Variants in KIF9 observed in about 807,000 individuals in gnomAD.
KIF9 encodes the protein kinesin family member 9.
KIF9 carries 68 observed loss-of-function variants against 94.8 expected under a neutral mutation model. The observed-to-expected ratio is 0.72, with a 90% CI of 0.59 to 0.88. The LOEUF (loss-of-function observed/expected upper bound fraction) is 0.88, where lower values mean the gene tolerates loss of function less well. KIF9 is among the 40% of genes least tolerant of loss of function. The probability of loss-of-function intolerance (pLI) is 0.00; values close to 1 mark genes in which losing one functional copy is unlikely to be tolerated. For missense variants in KIF9, 882 were observed against 982.5 expected (o/e 0.90, Z 1.37); for synonymous variants, 343 against 362.1 (o/e 0.95, Z 0.60).
chr3:47,282,462 C>T (rs1702452669), intron 1 of KIF9, 33 bp downstream of exon 1: 1 of 989,604 alleles, frequency 1.0e-6, no homozygotes, highest in Non-Finnish European at 1.2e-6. Context: ...TTTCCCGTCT[C>T]CCCACTCCCA....
chr3:47,278,061 G>T (rs1337496733), intron 1 of KIF9, among the ~76,000 whole-genome samples: 1 of 151,798 alleles, frequency 6.6e-6, no homozygotes, highest in African/African-American at 2.4e-5. Flanking sequence ...GGAAGACATA[G>T]GACATATATA....
chr3:47,275,900 C>T (rs1212246607), intron 2 of KIF9, among the ~76,000 whole-genome samples: 1 of 152,144 alleles, frequency 6.6e-6, no homozygotes, highest in South Asian at 2.1e-4. Flanking sequence ...AGCCTCATTG[C>T]TCTGGTTGCT....
intron 14 of KIF9, 123 bp from the exon 15 acceptor site, chr3:47,245,047 C>A (rs936105334): frequency 1.2e-5 from 16 of 1,334,272 alleles, no homozygotes; most frequent in Non-Finnish European, 1.6e-5. Flanking sequence ...CAAGGTTTGA[C>A]AGCTGCTGAT....
chr3:47,228,496 G>A lies in KIF9; in HGVS notation c.*156C>T, dbSNP rs949541139. ...GGAGATGAGCAAGGTTGTCCTTGGA[G>A]GATGCTCCTCCCAACATGCAGGCCA... On this transcript the variant is annotated 3_prime_UTR_variant, in exon 21 of 21. Transcript: ENST00000684063. 3 of 699,272 alleles carry A rather than the reference G, an allele frequency of 4.3e-6. No individual in the cohort carries two copies. In the South Asian group the frequency reaches 5.1e-5, roughly 12 times the overall value. 43.3% of individuals were successfully genotyped at this position (699,272 alleles called of 1,614,324 possible).
rs778088802 is a variant in KIF9, at chr3:47,236,669, T to C, written c.1925-50A>G. 8 of 1,556,858 alleles carry C rather than the reference T, an allele frequency of 5.1e-6. No homozygotes were observed. In the East Asian group the frequency reaches 9.0e-5, roughly 17 times the overall value. ...GAAATGAGGAGGTGTCCACCTGAAATTGGGGGAGGAAGGGATTCCAGAAGG... is the reference window on the plus strand; with the variant it reads ...GAAATGAGGAGGTGTCCACCTGAAACTGGGGGAGGAAGGGATTCCAGAAGG... On this transcript the variant is annotated intron_variant, in intron 17 of 20. Coordinates refer to ENST00000684063, the MANE Select transcript of KIF9 (RefSeq NM_182902.4).
intron 10 of KIF9, 128 bp downstream of exon 10, chr3:47,257,355 A>G (rs1319223400): frequency 1.0e-5 from 8 of 798,286 alleles, no homozygotes; most frequent in Non-Finnish European, 1.0e-5. Context: ...GGAGTGGAAA[A>G]GGGCTGACCC....
Position 47,235,550 on chromosome 3 carries a change from A to G in KIF9, c.2285T>C (p.Ile762Thr). 1.2e-6 allele frequency: 2 copies of G among 1,613,932 alleles called. No individual in the cohort carries two copies. Among genetic ancestry groups the G allele is most frequent in the Non-Finnish European group, 1.7e-6 (2 of 1,179,944 alleles). Residue 762 changes from isoleucine (I) to threonine (T), a missense_variant, in exon 20 of 21, where the codon ATC (isoleucine) becomes ACC (threonine). Physicochemically the swap from Ile to Thr is moderately conservative, Grantham distance 89 (BLOSUM62 -1). Coordinates refer to ENST00000684063, the MANE Select transcript of KIF9 (RefSeq NM_182902.4). The stretch of plus-strand genomic sequence containing the variant: ...CTTGACTTTGGCATTGTAGAAGGAG[A>G]TGGAATCAGGGCCCTCAGGAAGCAC... ...QRVLPEGPDS[I>T]SFYNAKVKIE...
Position 47,241,789 on chromosome 3 carries a change from G to A in KIF9, c.1710-774C>T, listed in dbSNP as rs528322180. 9.3e-4 allele frequency among the ~76,000 whole-genome samples: 80 copies of A among 85,816 alleles called. 2 individuals carry two copies. The East Asian group carries it at 0.018, about 20-fold the overall frequency. 56.3% of individuals were successfully genotyped at this position (85,816 alleles called of 152,430 possible). On this transcript the variant is annotated intron_variant, in intron 16 of 20. Transcript: ENST00000684063. ...TATACGTATATATACATGTATATAC[G>A]TGTATATATGTATATATGTATATAT... is the stretch of plus-strand genomic sequence containing the variant.
At chr3:47,231,574 C>T (rs1193861000) in intron 20 of KIF9, among the ~76,000 whole-genome samples, 2 of 152,056 alleles carry the variant, frequency 1.3e-5, no homozygotes, top group Non-Finnish European at 2.9e-5. Context: ...GCATGCACCA[C>T]CATGGCTGGC....
intron 17 of KIF9, among the ~76,000 whole-genome samples, chr3:47,239,264 G>GT (rs1343774352): frequency 1.3e-5 from 2 of 152,202 alleles, no homozygotes; most frequent in Non-Finnish European, 2.9e-5. Context: ...ACTTTCAGGT[G>GT]TATTTAGGAG....
intron 19 of KIF9, 96 bp from the exon 20 acceptor site, chr3:47,235,713 CA>C (rs1393255406): frequency 1.0e-6 from 1 of 957,680 alleles, no homozygotes; most frequent in Non-Finnish European, 1.7e-6. Flanking sequence ...GGGTTTGTGC[CA>C]CACACCGCCC....
At chr3:47,261,841 T>C (rs1358709064) in intron 9 of KIF9, among the ~76,000 whole-genome samples, 2 of 152,168 alleles carry the variant, frequency 1.3e-5, no homozygotes, top group Non-Finnish European at 2.9e-5. Flanking sequence ...AGTCAGACTC[T>C]CCTACTCCAA....
chr3:47,255,806 C>A (rs1700540424), intron 10 of KIF9, among the ~76,000 whole-genome samples: 1 of 152,024 alleles, frequency 6.6e-6, no homozygotes, highest in South Asian at 2.1e-4. Flanking sequence ...CCCTCTGATG[C>A]CGAGCCGAAG....
chr3:47,251,932 G>C (rs1057471570), intron 10 of KIF9, among the ~76,000 whole-genome samples: 1 of 152,188 alleles, frequency 6.6e-6, no homozygotes, highest in Admixed American at 6.5e-5. Flanking sequence ...CACAGAGGAC[G>C]ACCCTGAGGT....
At chr3:47,259,643 TTC>T (rs1390829079) in intron 9 of KIF9, among the ~76,000 whole-genome samples, 1 of 150,372 alleles carries the variant, frequency 6.7e-6, no homozygotes, top group Non-Finnish European at 1.5e-5. Flanking sequence ...TGCCTTGAGA[TTC>T]TGTTAATCTA....
chr3:47,265,638 C>G, intron 8 of KIF9, 92 bp downstream of exon 8: 2 of 1,363,834 alleles, frequency 1.5e-6, no homozygotes, highest in Non-Finnish European at 2.0e-6. Context: ...CAGGAGGGAG[C>G]AATTCTATCA....
chr3:47,268,295 G>A (rs1701418346), intron 5 of KIF9, among the ~76,000 whole-genome samples: 1 of 152,126 alleles, frequency 6.6e-6, no homozygotes, highest in Non-Finnish European at 1.5e-5. Context: ...TGGTGGAAAT[G>A]GCTGTTCTTG....
At chr3:47,269,501 T>G (rs1701501197) in intron 5 of KIF9, among the ~76,000 whole-genome samples, 1 of 152,112 alleles carries the variant, frequency 6.6e-6, no homozygotes, top group Non-Finnish European at 1.5e-5. Context: ...AGGCTGGTCT[T>G]GAACTCATGA....
intron 10 of KIF9, chr3:47,250,511 CT>C (rs948817588): frequency 8.1e-4 from 348 of 428,172 alleles, no homozygotes; most frequent in South Asian, 1.2e-3. Context: ...ATAAATGATA[CT>C]TTTTTTTTCA....
Sources: gnomAD v4.1 joint callset for allele counts (sites outside exome capture counted in the v4.1 genomes callset) on GRCh38, gnomAD v4.1.1 for gene constraint, MANE v1.5 for transcripts, NCBI Gene and HGNC (gene_info 2026-07-23, HGNC 2026-07-21) for gene names.